The following LAMA2 variants were observed in gnomAD, a reference collection of about 807,000 sequenced individuals.
The protein encoded by LAMA2 is laminin subunit alpha 2, also known as laminin subunit alpha-2.
In LAMA2, 269 loss-of-function variants were observed where a neutral mutation model predicts 364.8. That is an observed-to-expected ratio of 0.74 (90% confidence interval 0.67 to 0.82). The LOEUF is 0.82. LAMA2 is among the 40% of genes least tolerant of loss of function. LAMA2 has a pLI of 0.00. For synonymous variants in LAMA2, 1,379 were observed against 1,370.6 expected (o/e 1.01, Z -0.14); for missense variants, 3,807 against 3,873.2 (o/e 0.98, Z 0.45).
intron 10 of LAMA2, among the ~76,000 whole-genome samples, chr6:129,184,742 G>C (rs962506287): frequency 6.6e-6 from 1 of 151,792 alleles, no homozygotes; most frequent in East Asian, 1.9e-4. Flanking sequence ...GGGAATGGAG[G>C]CTAGTTCTTT....
intron 1 of LAMA2, among the ~76,000 whole-genome samples, chr6:128,930,366 A>T (rs899261537): frequency 1.4e-4 from 22 of 152,308 alleles, no homozygotes; most frequent in East Asian, 7.7e-4. Flanking sequence ...ATATAGTAGG[A>T]TTACATTTGC....
At chr6:129,412,845 T>G (rs1780602986) in intron 40 of LAMA2, among the ~76,000 whole-genome samples, 1 of 152,324 alleles carries the variant, frequency 6.6e-6, no homozygotes, top group African/African-American at 2.4e-5. Context: ...GGACCACGTC[T>G]GGTCTGAGTC....
intron 1 of LAMA2, among the ~76,000 whole-genome samples, chr6:128,948,083 A>G (rs1780590120): frequency 6.6e-6 from 1 of 152,162 alleles, no homozygotes; most frequent in Non-Finnish European, 1.5e-5. Context: ...TATGTAGCCT[A>G]AATTCTTGCT....
intron 1 of LAMA2, among the ~76,000 whole-genome samples, chr6:129,027,076 T>C (rs1186462186): frequency 1.3e-5 from 2 of 152,088 alleles, no homozygotes; most frequent in Non-Finnish European, 2.9e-5. Context: ...AACCCCTAAA[T>C]TGAAAGTTAA....
chr6:129,264,259 A>C (rs766843802), intron 15 of LAMA2, among the ~76,000 whole-genome samples: 20 of 152,160 alleles, frequency 1.3e-4, no homozygotes, highest in Non-Finnish European at 2.8e-4. Flanking sequence ...TACTGATTCG[A>C]GACTGTATGT....
rs2114501111 is a variant in LAMA2 at position 129,315,487 on chromosome 6, G to T, written c.3567G>T (p.Lys1189Asn). The change falls in exon 25 of 65, where the codon AAG becomes AAT. Residue 1189 changes from lysine (K) to asparagine (N), a missense_variant. Lys to Asn is a moderately conservative substitution (Grantham distance 94). Coordinates refer to ENST00000421865, the MANE Select transcript of LAMA2 (RefSeq NM_000426.4). ...KGLIRTWVTL[K>N]AEQTILPLVD... ...TTGACCCCTTGCAGGTGACTCTGAA[G>T]GCTGAGCAGACCATTCTACCCCTGG... The T allele has an allele frequency of 6.2e-7, 1 of 1,614,126 alleles. No individual in the cohort carries two copies. Among genetic ancestry groups the T allele is most frequent in the Non-Finnish European group, 8.5e-7 (1 of 1,180,010 alleles).
intron 16 of LAMA2, among the ~76,000 whole-genome samples, chr6:129,269,217 C>T (rs114924145): frequency 6.6e-6 from 1 of 152,096 alleles, no homozygotes; most frequent in African/African-American, 2.4e-5. Context: ...TGAAGTAAGC[C>T]AGGAAGTATT....
chr6:128,904,455 T>TC (rs1310091533), intron 1 of LAMA2, among the ~76,000 whole-genome samples: 4 of 110,130 alleles, frequency 3.6e-5, no homozygotes, highest in African/African-American at 1.8e-4. Context: ...TTCCTTTCTT[T>TC]TTTTTTTTTT....
At chr6:129,279,839 A>G (rs1248696069) in intron 17 of LAMA2, among the ~76,000 whole-genome samples, 1 of 152,178 alleles carries the variant, frequency 6.6e-6, no homozygotes, top group Non-Finnish European at 1.5e-5. Flanking sequence ...ATAACATGTC[A>G]CAGGGATACT....
Position 129,225,535 on chromosome 6 carries a change from C to A in LAMA2, c.1783-24577C>A, listed in dbSNP as rs144695720. Among the ~76,000 whole-genome samples, 182 of 152,278 alleles carry A rather than the reference C, an allele frequency of 1.2e-3. 2 individuals carry two copies. Among genetic ancestry groups the A allele is most frequent in the African/African-American group, 4.2e-3 (174 of 41,568 alleles). On this transcript the variant is annotated intron_variant, in intron 12 of 64. Coordinates refer to ENST00000421865, the MANE Select transcript of LAMA2 (RefSeq NM_000426.4). ...TCCCAGAGATTCTGGTATGTTGTAT[C>A]TTTGTTCTCATTAGTTTCAAAGAAC... is the stretch of plus-strand genomic sequence containing the variant.
chr6:129,288,831 G>A (rs1428868851), intron 19 of LAMA2, among the ~76,000 whole-genome samples: 2 of 152,060 alleles, frequency 1.3e-5, no homozygotes, highest in Non-Finnish European at 2.9e-5. Flanking sequence ...TTAGCATTTG[G>A]CCATCATCAG....
intron 8 of LAMA2, chr6:129,159,233 C>G: frequency 2.2e-6 from 2 of 924,030 alleles, no homozygotes; most frequent in Non-Finnish European, 3.5e-6. Flanking sequence ...ATCGCAAGCA[C>G]TTGACAATGA....
Position 129,503,165 on chromosome 6 carries a change from C to A in LAMA2, c.8432C>A (p.Ala2811Asp). The A allele has an allele frequency of 6.2e-7, 1 of 1,614,146 alleles. No individual in the cohort carries two copies. Among genetic ancestry groups the A allele is most frequent in the Non-Finnish European group, 8.5e-7 (1 of 1,179,982 alleles). ...TTTTACATGGCTCGCATCAATCATGCTGATTTTGCAACAGTTCAGCTGAGA... is the reference window on the plus strand; with the variant it reads ...TTTTACATGGCTCGCATCAATCATGATGATTTTGCAACAGTTCAGCTGAGA... ...LLFYMARINHADFATVQLRNG... is the reference protein window; with the variant it reads ...LLFYMARINHDDFATVQLRNG... Residue 2811 changes from alanine to aspartate, a missense_variant, in exon 60 of 65, where the codon GCT becomes GAT. Physicochemically the swap from Ala to Asp is moderately radical, Grantham distance 126 (BLOSUM62 -2). This residue lies in a region of LAMA2 where 3,333 missense variants were observed against 3,345.7 expected (regional missense o/e 1.00). Transcript: ENST00000421865.
chr6:129,172,387 T>G (rs1780235225), intron 9 of LAMA2, among the ~76,000 whole-genome samples: 1 of 152,212 alleles, frequency 6.6e-6, no homozygotes, highest in African/African-American at 2.4e-5. Flanking sequence ...TAGTTTTCCT[T>G]CTAACAGACA....
intron 39 of LAMA2, 132 bp downstream of exon 39, chr6:129,402,619 T>C (rs957486974): frequency 8.6e-5 from 77 of 897,748 alleles, no homozygotes; most frequent in Non-Finnish European, 1.3e-4. Context: ...TATATGGCCT[T>C]TCTGTGGATA....
intron 43 of LAMA2, 89 bp from the exon 44 acceptor site, chr6:129,442,974 T>C: frequency 2.2e-6 from 2 of 927,452 alleles, no homozygotes; most frequent in Non-Finnish European, 3.4e-6. Flanking sequence ...ATACCATTTT[T>C]AGTCACTACT....
intron 1 of LAMA2, chr6:128,929,214 T>C (rs1779288219): frequency 3.4e-6 from 5 of 1,488,508 alleles, no homozygotes; most frequent in Admixed American, 3.4e-5. Context: ...ACCCAGCGCC[T>C]TCTGAGCTTC....
At chr6:129,419,601 C>G (rs1318583624) in intron 40 of LAMA2, among the ~76,000 whole-genome samples, 3 of 152,124 alleles carry the variant, frequency 2.0e-5, no homozygotes, top group Non-Finnish European at 4.4e-5. Context: ...ATCCTTACTT[C>G]ATTTTATATT....
At chr6:129,251,892 G>A (rs1562380258) in intron 13 of LAMA2, among the ~76,000 whole-genome samples, 192 bp from the exon 14 acceptor site, 1 of 152,010 alleles carries the variant, frequency 6.6e-6, no homozygotes. Flanking sequence ...CCGAGATCGC[G>A]CCGTTGCACT....
Sources: gnomAD v4.1 joint callset for allele counts (sites outside exome capture counted in the v4.1 genomes callset) on GRCh38, gnomAD v4.1.1 for gene constraint, gnomAD v4.1.1 regional missense constraint, MANE v1.5 for transcripts, NCBI Gene and HGNC (gene_info 2026-07-23, HGNC 2026-07-21) for gene names.